MBOAT2: variants seen among roughly 807,000 people sequenced by gnomAD.
The protein encoded by MBOAT2 is membrane bound glycerophospholipid O-acyltransferase 2, also known as membrane-bound glycerophospholipid O-acyltransferase 2.
A neutral mutation model predicts 63.4 loss-of-function variants in MBOAT2; 28 were observed. That is an observed-to-expected ratio of 0.44 (90% CI 0.33 to 0.61). MBOAT2 has a LOEUF of 0.61. MBOAT2 is among the 20% of genes least tolerant of loss of function. MBOAT2 has a pLI of 0.03. For missense variants in MBOAT2, 470 were observed against 605.8 expected (o/e 0.78, Z 2.35); for synonymous variants, 211 against 215.6 (o/e 0.98, Z 0.19).
intron 1 of MBOAT2, among the ~76,000 whole-genome samples, chr2:8,988,943 T>G (rs938426811): frequency 1.3e-5 from 2 of 152,246 alleles, no homozygotes; most frequent in African/African-American, 4.8e-5. Flanking sequence ...AAACATGTAT[T>G]GTTCTCACTA....
intron 1 of MBOAT2, among the ~76,000 whole-genome samples, chr2:8,995,944 C>T (rs1672269621): frequency 6.6e-6 from 1 of 152,150 alleles, no homozygotes; most frequent in African/African-American, 2.4e-5. Flanking sequence ...AAACTTTGGC[C>T]CAAGTCTGTT....
intron 3 of MBOAT2, among the ~76,000 whole-genome samples, chr2:8,909,938 G>T (rs1013486634): frequency 4.6e-5 from 7 of 152,230 alleles, no homozygotes; most frequent in Admixed American, 1.3e-4. Context: ...TCAAGAGGAG[G>T]AGTCTACCTC....
chr2:8,919,889 G>A lies in MBOAT2; in HGVS notation c.300-11173C>T, dbSNP rs1414796499. On this transcript the variant is annotated intron_variant, in intron 3 of 12. Coordinates refer to ENST00000305997, the MANE Select transcript of MBOAT2 (RefSeq NM_138799.4). ...CCTGCCTTAGCCTCCCAAGCAGCTA[G>A]GACTACAGGTGTGCGCCACCACACT... Among the ~76,000 whole-genome samples the A allele has an allele frequency of 2.6e-5, 4 of 152,084 alleles. No individual in the cohort carries two copies. In the East Asian group the frequency reaches 5.8e-4, roughly 22 times the overall value.
intron 1 of MBOAT2, among the ~76,000 whole-genome samples, chr2:8,994,563 G>C (rs1262267008): frequency 6.6e-6 from 1 of 152,188 alleles, no homozygotes; most frequent in Non-Finnish European, 1.5e-5. Flanking sequence ...CTCTTCTCTC[G>C]GTCCTTCTCC....
rs752500600 is a variant in MBOAT2 at position 8,888,006 on chromosome 2, C to A, written c.451+12G>T. The A allele has an allele frequency of 1.9e-6, 3 of 1,609,908 alleles. No homozygotes were observed. Among genetic ancestry groups the A allele is most frequent in the African/African-American group, 2.7e-5 (2 of 74,774 alleles). On this transcript the variant is annotated intron_variant, in intron 5 of 12. Transcript: ENST00000305997. The stretch of plus-strand genomic sequence containing the variant: ...TTTTTTCAGCAATAAAAATTAATTT[C>A]AGAATTCTTACCATCATGAATTTCG...
At chr2:8,928,266 G>C (rs928499112) in intron 3 of MBOAT2, among the ~76,000 whole-genome samples, 93 of 152,166 alleles carry the variant, frequency 6.1e-4, no homozygotes, top group Non-Finnish European at 2.2e-4. Context: ...CCTGACTCCA[G>C]AAGAGAGGTC....
intron 4 of MBOAT2, among the ~76,000 whole-genome samples, chr2:8,897,514 T>C (rs1572993562): frequency 6.6e-6 from 1 of 152,390 alleles, no homozygotes; most frequent in South Asian, 2.1e-4. Flanking sequence ...GCATACTTGC[T>C]ATCTGTATAC....
chr2:8,869,889 C>A (rs1662187024), intron 8 of MBOAT2, among the ~76,000 whole-genome samples: 1 of 152,138 alleles, frequency 6.6e-6, no homozygotes, highest in Non-Finnish European at 1.5e-5. Context: ...CTACTGTGAT[C>A]TAAGAGCAAT....
chr2:8,934,771 T>C (rs1573094506), intron 3 of MBOAT2, among the ~76,000 whole-genome samples: 1 of 152,136 alleles, frequency 6.6e-6, no homozygotes, highest in Non-Finnish European at 1.5e-5. Flanking sequence ...TGTGGGATCA[T>C]GGGATTGTCC....
At chr2:8,886,612 C>T (rs747454303) in intron 5 of MBOAT2, among the ~76,000 whole-genome samples, 12 of 152,142 alleles carry the variant, frequency 7.9e-5, no homozygotes, top group Non-Finnish European at 1.2e-4. Context: ...GTATGAACTC[C>T]TCAAATGCTG....
In MBOAT2 at chr2:8,929,150, T is replaced by C. The variant is rs761648392; in HGVS notation, c.299+14037A>G. Among the ~76,000 whole-genome samples, 15 of 152,088 alleles carry C rather than the reference T, an allele frequency of 9.9e-5. 1 individual carries two copies. The highest frequency in any genetic ancestry group is 2.0e-4 in the Admixed American group (3 of 15,268). ...TGTATGCCAGGTGGGGATAAAAGAG[T>C]ATAATAACATATCAGAATCACTGTT... On this transcript the variant is annotated intron_variant, in intron 3 of 12. Coordinates refer to ENST00000305997, the MANE Select transcript of MBOAT2 (RefSeq NM_138799.4).
intron 8 of MBOAT2, among the ~76,000 whole-genome samples, chr2:8,872,031 T>A (rs966147531): frequency 2.0e-5 from 3 of 152,232 alleles, no homozygotes; most frequent in South Asian, 2.1e-4. Context: ...CAGAATCATC[T>A]TCTTCTGCCA....
In MBOAT2 at chr2:8,939,396, T is replaced by C. The variant is rs111446914; in HGVS notation, c.299+3791A>G. On this transcript the variant is annotated intron_variant, in intron 3 of 12. Transcript: ENST00000305997. ...TGGCCTAGAGTCAGAGGGCCTGGGA[T>C]TGCTGGAGCCAAAGAAAACGGCAGG... 7.3e-3 allele frequency among the ~76,000 whole-genome samples: 1,117 copies of C among 152,252 alleles called. 12 individuals carry two copies. The highest frequency in any genetic ancestry group is 0.02 in the South Asian group (98 of 4,826).
chr2:8,886,238 C>A (rs1423056402), intron 5 of MBOAT2, among the ~76,000 whole-genome samples: 1 of 152,242 alleles, frequency 6.6e-6, no homozygotes, highest in Non-Finnish European at 1.5e-5. Flanking sequence ...TTCTCTGTGA[C>A]TCCCCTGGGA....
At position 8,856,134 on chromosome 2, in the gene MBOAT2, T is replaced by C. The variant is rs1661061330; in HGVS notation, c.*2545A>G. The C allele has an allele frequency of 6.6e-6, 1 of 152,332 alleles. No homozygotes were observed. Among genetic ancestry groups the C allele is most frequent in the South Asian group, 2.1e-4 (1 of 4,828 alleles). The allele number at this position is 152,332 out of a possible 1,614,324, so 9.4% of individuals were successfully genotyped here. A position where few individuals can be genotyped will look rare whatever the true frequency, so the allele number is the denominator to read the frequency against. The stretch of plus-strand genomic sequence containing the variant: ...TCAGTCAAACTGGATATGGAATTAT[T>C]ATCTTCGAAGGAACCAGAAAACCAA... On this transcript the variant is annotated 3_prime_UTR_variant, in exon 13 of 13. Coordinates refer to ENST00000305997, the MANE Select transcript of MBOAT2 (RefSeq NM_138799.4). The surrounding 1 kb of genome is among the most constrained non-coding windows in gnomAD (Gnocchi z 4.2).
chr2:8,986,706 G>A (rs1671596372), intron 1 of MBOAT2, among the ~76,000 whole-genome samples: 2 of 152,192 alleles, frequency 1.3e-5, no homozygotes, highest in African/African-American at 4.8e-5. Context: ...TGGGGCCTTT[G>A]GAAGGTAATT....
At chr2:8,991,960 T>C (rs1302741132) in intron 1 of MBOAT2, among the ~76,000 whole-genome samples, 3 of 152,176 alleles carry the variant, frequency 2.0e-5, no homozygotes, top group Non-Finnish European at 4.4e-5. Flanking sequence ...CGCATCTGCC[T>C]TTCCATTCAT....
intron 3 of MBOAT2, among the ~76,000 whole-genome samples, chr2:8,919,592 C>T (rs560044217): frequency 2.0e-5 from 3 of 152,126 alleles, no homozygotes; most frequent in East Asian, 3.9e-4. Flanking sequence ...ATTGATTGTA[C>T]GAGTTCTGTA....
At chr2:8,876,476 TTAA>T (rs1662710870) in intron 7 of MBOAT2, among the ~76,000 whole-genome samples, 1 of 152,256 alleles carries the variant, frequency 6.6e-6, no homozygotes, top group African/African-American at 2.4e-5. Context: ...TTAGCTATTA[TTAA>T]TATCTTTATC....
Sources: gnomAD v4.1 joint callset for allele counts (sites outside exome capture counted in the v4.1 genomes callset) on GRCh38, gnomAD v4.1.1 for gene constraint, Gnocchi (gnomAD v3.1) non-coding constraint, MANE v1.5 for transcripts, NCBI Gene and HGNC (gene_info 2026-07-23, HGNC 2026-07-21) for gene names.